G3BP2: variants seen among roughly 807,000 people sequenced by gnomAD.
The protein encoded by G3BP2 is G3BP stress granule assembly factor 2, also known as ras GTPase-activating protein-binding protein 2.
Under a neutral mutation model 56.7 loss-of-function variants are expected in G3BP2, and 11 were observed. The observed-to-expected ratio is 0.19, with a 90% CI of 0.12 to 0.32. The LOEUF (loss-of-function observed/expected upper bound fraction) is 0.32. Among genes scored for constraint, G3BP2 ranks in the 10% least tolerant of loss-of-function variants. G3BP2 has a pLI of 1.00. For missense variants in G3BP2, 340 were observed against 610.9 expected, an observed-to-expected ratio of 0.56 and a Z score of 4.67; for synonymous variants, 165 against 191.6, an observed-to-expected ratio of 0.86 and a Z score of 1.15.
intron 3 of G3BP2, among the ~76,000 whole-genome samples, chr4:75,713,468 T>G (rs1719826491): frequency 6.6e-6 from 1 of 152,208 alleles, no homozygotes; most frequent in South Asian, 2.1e-4. Context: ...CGGTAGACAG[T>G]ACTTTAAACT....
intron 1 of G3BP2, 154 bp downstream of exon 1, chr4:75,673,054 G>A (rs1302434598): frequency 4.0e-6 from 4 of 997,884 alleles, no homozygotes; most frequent in Non-Finnish European, 2.4e-6. Context: ...ACGCACACAC[G>A]GCACCGTAGG....
intron 1 of G3BP2, among the ~76,000 whole-genome samples, chr4:75,668,927 C>T (rs1733268743): frequency 6.6e-6 from 1 of 151,996 alleles, no homozygotes. Flanking sequence ...GTACACCTGT[C>T]TTCATCTTCT....
upstream of G3BP2, among the ~76,000 whole-genome samples, chr4:75,675,941 GA>G (rs1733860839): frequency 6.6e-6 from 1 of 152,152 alleles, no homozygotes; most frequent in Admixed American, 6.5e-5. Context: ...AAAAATTTAA[GA>G]AACATTTTTA....
chr4:75,689,332 C>T (rs986176089), intron 3 of G3BP2, among the ~76,000 whole-genome samples: 6 of 151,236 alleles, frequency 4.0e-5, no homozygotes, highest in African/African-American at 9.7e-5. Flanking sequence ...AGCCAAGATC[C>T]GCCACTGCAC....
intron 3 of G3BP2, among the ~76,000 whole-genome samples, chr4:75,679,224 A>T (rs778031772): frequency 3.9e-5 from 6 of 152,220 alleles, no homozygotes; most frequent in Non-Finnish European, 8.8e-5. Flanking sequence ...ATGTTACTTG[A>T]GAATCCCAGG....
At chr4:75,718,238 C>CT (rs11339894) in intron 3 of G3BP2, among the ~76,000 whole-genome samples, 21 of 146,288 alleles carry the variant, frequency 1.4e-4, no homozygotes, top group African/African-American at 4.5e-4. Flanking sequence ...TTCTTTCTTT[C>CT]TTTTTTTTTT....
chr4:75,697,285 AAAAAAAAAAAAAAAAAG>A (rs1291102502), intron 3 of G3BP2, among the ~76,000 whole-genome samples: 4 of 124,958 alleles, frequency 3.2e-5, no homozygotes, highest in South Asian at 2.4e-4. Flanking sequence ...AAAAAAAAAA[AAAAAAAAAAAAAAAAAG>A]ATCATGAAAT....
intron 3 of G3BP2, among the ~76,000 whole-genome samples, chr4:75,704,929 A>G (rs1719487581): frequency 6.6e-6 from 1 of 152,182 alleles, no homozygotes; most frequent in African/African-American, 2.4e-5. Context: ...CACCACACCC[A>G]GTCTTAATTT....
At chr4:75,692,371 G>C (rs1718894729) in intron 3 of G3BP2, among the ~76,000 whole-genome samples, 1 of 152,026 alleles carries the variant, frequency 6.6e-6, no homozygotes, top group Admixed American at 6.6e-5. Context: ...GAGTGCAGTG[G>C]TGTGATCTTG....
chr4:75,671,468 G>A (rs563927874), intron 1 of G3BP2, among the ~76,000 whole-genome samples: 1 of 152,210 alleles, frequency 6.6e-6, no homozygotes, highest in Non-Finnish European at 1.5e-5. Flanking sequence ...GCTGCTAACT[G>A]AACAGTTAAG....
chr4:75,667,138 A>G (rs1027402708), intron 1 of G3BP2, among the ~76,000 whole-genome samples: 2 of 151,968 alleles, frequency 1.3e-5, no homozygotes, highest in Non-Finnish European at 1.5e-5. Context: ...AAATACAAAA[A>G]ATTAGCGGGG....
At chr4:75,675,576 T>G (rs1301699536), upstream of G3BP2, among the ~76,000 whole-genome samples, 1 of 152,304 alleles carries the variant, frequency 6.6e-6, no homozygotes, top group East Asian at 1.9e-4. Context: ...GCGGATCACC[T>G]GAGGTCAGGA....
At chr4:75,663,582 G>A (rs1041912990) in intron 1 of G3BP2, among the ~76,000 whole-genome samples, 8 of 152,166 alleles carry the variant, frequency 5.3e-5, no homozygotes, top group African/African-American at 1.9e-4. Flanking sequence ...AATCCCCAGG[G>A]CCAGGTACGG....
At chr4:75,648,341 C>T (rs1474787551) in intron 9 of G3BP2, among the ~76,000 whole-genome samples, 1 of 77,524 alleles carries the variant, frequency 1.3e-5, no homozygotes, top group Non-Finnish European at 2.5e-5. Context: ...AGCAAGACTC[C>T]GTCTCAAAAA....
chr4:75,707,372 A>C (rs1719589037), intron 3 of G3BP2, among the ~76,000 whole-genome samples: 1 of 152,056 alleles, frequency 6.6e-6, no homozygotes, highest in Non-Finnish European at 1.5e-5. Flanking sequence ...TTGTAATCCC[A>C]GCACTTTGGG....
upstream of G3BP2, among the ~76,000 whole-genome samples, chr4:75,677,621 G>A (rs1408279479): frequency 6.6e-6 from 1 of 151,948 alleles, no homozygotes; most frequent in Non-Finnish European, 1.5e-5. Context: ...ATGTTTAGGG[G>A]TCACACACCC....
At chr4:75,664,170 C>T (rs943326072) in intron 1 of G3BP2, among the ~76,000 whole-genome samples, 3 of 151,884 alleles carry the variant, frequency 2.0e-5, no homozygotes, top group African/African-American at 7.2e-5. Flanking sequence ...GCGTGAGCCA[C>T]CGTGCCCAGC....
At chr4:75,649,847 T>A (rs927480483) in intron 8 of G3BP2, among the ~76,000 whole-genome samples, 25 of 151,856 alleles carry the variant, frequency 1.6e-4, no homozygotes, top group African/African-American at 6.1e-4. Flanking sequence ...CAGTCTCTAC[T>A]AAAAATACAA....
intron 3 of G3BP2, among the ~76,000 whole-genome samples, chr4:75,658,217 C>T (rs1188891181): frequency 1.3e-5 from 2 of 152,116 alleles, no homozygotes; most frequent in Non-Finnish European, 2.9e-5. Context: ...AATACACTGT[C>T]TCAACTATCT....
Sources: allele counts gnomAD v4.1 joint callset (sites outside exome capture counted in the v4.1 genomes callset), GRCh38; gene constraint gnomAD v4.1.1; transcripts MANE v1.5; gene names NCBI Gene and HGNC (gene_info 2026-07-23, HGNC 2026-07-21).